The following CAPN9 variants were observed in gnomAD, a reference collection of about 807,000 sequenced individuals.
CAPN9 encodes calpain 9.
CAPN9 carries 81 observed loss-of-function variants against 92.8 expected under a neutral mutation model. The observed-to-expected ratio is 0.87, with a 90% CI of 0.73 to 1.05. CAPN9 has a LOEUF of 1.05. CAPN9 is among the 50% of genes least tolerant of loss of function. The pLI is 0.00. For synonymous variants in CAPN9, 304 were observed against 328.0 expected, an observed-to-expected ratio of 0.93 and a Z score of 0.79; for missense variants, 848 against 866.2, an observed-to-expected ratio of 0.98 and a Z score of 0.26.
chr1:230,796,670 A>C (rs1414867726), intron 18 of CAPN9, among the ~76,000 whole-genome samples: 3 of 152,194 alleles, frequency 2.0e-5, no homozygotes, highest in Non-Finnish European at 4.4e-5. Context: ...GGTGCATTCT[A>C]GAAAGACCCC....
At chr1:230,800,216 AAAAT>A (rs1237803664) in intron 19 of CAPN9, among the ~76,000 whole-genome samples, 1 of 117,932 alleles carries the variant, frequency 8.5e-6, no homozygotes. Flanking sequence ...AAAAGAAAGA[AAAAT>A]AAGAAAGAAA....
chr1:230,796,435 A>C (rs1247819404), intron 18 of CAPN9, among the ~76,000 whole-genome samples: 1 of 152,116 alleles, frequency 6.6e-6, no homozygotes, highest in Non-Finnish European at 1.5e-5. Flanking sequence ...TCAGCATGAT[A>C]GCTCCCTCTG....
intron 17 of CAPN9, among the ~76,000 whole-genome samples, chr1:230,793,331 C>G (rs572127000): frequency 5.3e-5 from 8 of 152,186 alleles, no homozygotes; most frequent in Non-Finnish European, 7.3e-5. Context: ...TGAGACAGAG[C>G]ATGCAGCACC....
intron 13 of CAPN9, among the ~76,000 whole-genome samples, chr1:230,789,473 C>CAAAA (rs57738295): frequency 6.0e-5 from 4 of 66,256 alleles, no homozygotes; most frequent in African/African-American, 9.1e-5. Flanking sequence ...GACCCTGTAT[C>CAAAA]AAAAAAAAAA....
intron 13 of CAPN9, 29 bp downstream of exon 13, chr1:230,787,631 A>G: frequency 6.2e-7 from 1 of 1,600,766 alleles, no homozygotes; most frequent in Non-Finnish European, 8.6e-7. Flanking sequence ...CCATCTCCCC[A>G]CCAGGCTGAG....
chr1:230,799,493 G>A (rs1668545796), intron 19 of CAPN9, among the ~76,000 whole-genome samples: 1 of 152,226 alleles, frequency 6.6e-6, no homozygotes, highest in African/African-American at 2.4e-5. Flanking sequence ...ATTACGGTGA[G>A]CCAAATGGGG....
chr1:230,755,546 C>G (rs1244465276), intron 2 of CAPN9, 140 bp downstream of exon 2: 6 of 612,984 alleles, frequency 9.8e-6, no homozygotes, highest in Non-Finnish European at 1.7e-5. Context: ...CTTCCTCACT[C>G]CCTCTGAATG....
chr1:230,754,197 G>A (rs28359591), intron 1 of CAPN9, among the ~76,000 whole-genome samples: 4,854 of 152,130 alleles, frequency 0.032, 110 homozygotes, highest in East Asian at 0.11. Context: ...ACCAGGGCAG[G>A]GGCTTTCCCT....
intron 4 of CAPN9, among the ~76,000 whole-genome samples, chr1:230,764,977 A>T (rs896495841): frequency 6.6e-5 from 10 of 152,150 alleles, no homozygotes; most frequent in African/African-American, 2.4e-4. Flanking sequence ...TTGCTTTGTC[A>T]GTGAGAGGAA....
In CAPN9 at chr1:230,791,822, C is replaced by T. The variant is rs776609299; in HGVS notation, c.1658-42C>T. 6 of 1,535,380 alleles carry T rather than the reference C, an allele frequency of 3.9e-6. No individual in the cohort carries two copies. The South Asian group carries it at 5.6e-5, about 14-fold the overall frequency. On this transcript the variant is annotated intron_variant, in intron 14 of 19. Transcript: ENST00000271971. ...TCAGCAGATGGGTACATAGGTTTAT[C>T]TTATCGGGTCAACTGAATTCAGCTT...
intron 1 of CAPN9, among the ~76,000 whole-genome samples, chr1:230,751,656 AAAGAAAGAAAGAAAGAAAG>A (rs1664835774): frequency 1.5e-5 from 1 of 66,230 alleles, no homozygotes; most frequent in South Asian, 4.1e-4. Flanking sequence ...AGAAAGAAAG[AAAGAAAGAAAGAAAGAAAG>A]AAAGAAAGAA....
At chr1:230,793,934 G>C (rs1356450365) in intron 17 of CAPN9, among the ~76,000 whole-genome samples, 1 of 152,110 alleles carries the variant, frequency 6.6e-6, no homozygotes, top group Non-Finnish European at 1.5e-5. Flanking sequence ...ACGTGGTGTG[G>C]GGAGAATCGC....
chr1:230,792,342 C>T (rs1668045825), intron 15 of CAPN9, 84 bp from the exon 16 acceptor site: 1 of 1,162,398 alleles, frequency 8.6e-7, no homozygotes, highest in African/African-American at 1.5e-5. Context: ...TCGGCCCTCC[C>T]CCTCTGCAGT....
intron 5 of CAPN9, 52 bp from the exon 6 acceptor site, chr1:230,769,128 G>A (rs1666208395): frequency 1.4e-6 from 2 of 1,441,222 alleles, no homozygotes; most frequent in South Asian, 1.2e-5. Context: ...TGATCCAGCA[G>A]GGGAGGCTTG....
intron 7 of CAPN9, among the ~76,000 whole-genome samples, chr1:230,772,967 G>A (rs1012072603): frequency 6.6e-6 from 1 of 151,946 alleles, no homozygotes; most frequent in Non-Finnish European, 1.5e-5. Context: ...CCTGCCTGAA[G>A]CTGTTGCTCG....
At chr1:230,760,488 C>T (rs1665565546) in intron 3 of CAPN9, among the ~76,000 whole-genome samples, 1 of 152,188 alleles carries the variant, frequency 6.6e-6, no homozygotes, top group Admixed American at 6.5e-5. Context: ...TCTTCTGTCC[C>T]TGAAGCCTGC....
chr1:230,762,898 G>A, intron 4 of CAPN9, 112 bp downstream of exon 4: 1 of 1,201,520 alleles, frequency 8.3e-7, no homozygotes, highest in Non-Finnish European at 1.1e-6. Context: ...GTTTGCAGGT[G>A]AGGCTCGGCA....
At chr1:230,748,773 C>T (rs1444486487) in intron 1 of CAPN9, among the ~76,000 whole-genome samples, 1 of 152,162 alleles carries the variant, frequency 6.6e-6, no homozygotes, top group Non-Finnish European at 1.5e-5. Context: ...ATAACTACCT[C>T]CTCACTATCT....
At chr1:230,779,169 CA>C (rs1214813301) in intron 9 of CAPN9, 36 bp downstream of exon 9, 7 of 1,602,968 alleles carry the variant, frequency 4.4e-6, no homozygotes, top group Non-Finnish European at 6.0e-6. Context: ...CTGCCACTCC[CA>C]AGTGTCCCTT....
Sources: allele counts gnomAD v4.1 joint callset (sites outside exome capture counted in the v4.1 genomes callset), GRCh38; gene constraint gnomAD v4.1.1; transcripts MANE v1.5; gene names NCBI Gene and HGNC (gene_info 2026-07-23, HGNC 2026-07-21).